FMN2: variants seen among roughly 807,000 people sequenced by gnomAD.
The protein encoded by FMN2 is formin 2.
In FMN2, 51 loss-of-function variants were observed where a neutral mutation model predicts 142.3. That is an observed-to-expected ratio of 0.36 (90% CI 0.29 to 0.45). FMN2 has a LOEUF of 0.45. Ranked by LOEUF, FMN2 falls within the 20% of genes least tolerant of loss-of-function variation. The pLI is 1.00. For missense variants in FMN2, 1,936 were observed against 2,122.8 expected, an observed-to-expected ratio of 0.91 and a Z score of 1.73; for synonymous variants, 882 against 869.8, an observed-to-expected ratio of 1.01 and a Z score of -0.25.
chr1:240,170,879 C>T (rs544160177), intron 2 of FMN2: 2 of 800,818 alleles, frequency 2.5e-6, no homozygotes, highest in South Asian at 2.7e-5. Flanking sequence ...GAGTTTGGAG[C>T]CACTGAATGT....
chr1:240,131,320 G>GT (rs1226061900), intron 2 of FMN2, among the ~76,000 whole-genome samples: 2 of 152,168 alleles, frequency 1.3e-5, no homozygotes, highest in African/African-American at 4.8e-5. Context: ...AAAGGGGAAG[G>GT]TTTTTAACTG....
chr1:240,226,347 A>G (rs1667298078), intron 6 of FMN2, among the ~76,000 whole-genome samples: 1 of 152,224 alleles, frequency 6.6e-6, no homozygotes, highest in Non-Finnish European at 1.5e-5. Context: ...CAGCAGACTT[A>G]TCAGAATTAA....
chr1:240,244,698 A>G (rs1324385233), intron 6 of FMN2, among the ~76,000 whole-genome samples: 1 of 152,228 alleles, frequency 6.6e-6, no homozygotes, highest in East Asian at 1.9e-4. Flanking sequence ...CCAAATCTGC[A>G]CCAGCATCAG....
chr1:240,279,018 A>G (rs996108363), intron 7 of FMN2, among the ~76,000 whole-genome samples: 1 of 152,174 alleles, frequency 6.6e-6, no homozygotes, highest in South Asian at 2.1e-4. Context: ...CTGAGCTCGA[A>G]CTGTAATTTT....
At chr1:240,349,788 A>T (rs1226896351) in intron 13 of FMN2, among the ~76,000 whole-genome samples, 2 of 152,370 alleles carry the variant, frequency 1.3e-5, no homozygotes, top group East Asian at 3.9e-4. Context: ...ATTAAACAAA[A>T]GTTGAGATGA....
chr1:240,334,022 T>C (rs1268952038), intron 12 of FMN2, 76 bp downstream of exon 12: 1 of 1,574,760 alleles, frequency 6.4e-7, no homozygotes, highest in Non-Finnish European at 8.6e-7. Context: ...TTTTTGTTGT[T>C]GTTTTTGTTT....
chr1:240,286,952 TTC>T (rs1669611233), intron 7 of FMN2, among the ~76,000 whole-genome samples: 2 of 152,176 alleles, frequency 1.3e-5, no homozygotes, highest in Non-Finnish European at 2.9e-5. Context: ...CGATGTGTCT[TTC>T]TACTTCACTA....
intron 7 of FMN2, among the ~76,000 whole-genome samples, chr1:240,281,088 T>C (rs1184969293): frequency 1.3e-5 from 2 of 152,152 alleles, no homozygotes; most frequent in African/African-American, 4.8e-5. Context: ...ACAGCTCTTA[T>C]AAACAAGGCC....
intron 4 of FMN2, among the ~76,000 whole-genome samples, chr1:240,195,567 CATTG>C (rs1447158445): frequency 3.1e-4 from 47 of 152,298 alleles, no homozygotes; most frequent in African/African-American, 1.1e-3. Context: ...AAAGGTAATG[CATTG>C]ATTGGTTGAC....
chr1:240,295,905 T>C (rs10926201), intron 8 of FMN2, among the ~76,000 whole-genome samples: 31,603 of 152,136 alleles, frequency 0.21, 3,534 homozygotes, highest in Admixed American at 0.33. Flanking sequence ...TCCCTTTTCT[T>C]CGCATCTTCA....
intron 16 of FMN2, among the ~76,000 whole-genome samples, chr1:240,464,472 A>T (rs1019754024): frequency 1.9e-4 from 29 of 152,220 alleles, no homozygotes; most frequent in African/African-American, 7.0e-4. Context: ...GGAAACACAG[A>T]TACACAGAAT....
chr1:240,217,331 A>G (rs928107272), intron 6 of FMN2, among the ~76,000 whole-genome samples: 2 of 152,218 alleles, frequency 1.3e-5, no homozygotes, highest in Admixed American at 1.3e-4. Context: ...TATAGAAGAC[A>G]TGTTTTGTAT....
intron 16 of FMN2, among the ~76,000 whole-genome samples, chr1:240,449,685 A>G (rs1675938170): frequency 6.6e-6 from 1 of 152,210 alleles, no homozygotes; most frequent in South Asian, 2.1e-4. Flanking sequence ...TTGTGTGAAA[A>G]GCTATTGTAT....
chr1:240,437,535 C>T (rs1338870572), intron 15 of FMN2, among the ~76,000 whole-genome samples: 2 of 152,158 alleles, frequency 1.3e-5, no homozygotes, highest in East Asian at 3.9e-4. Context: ...ATCTCCTGAC[C>T]TCGTGATCCA....
intron 2 of FMN2, chr1:240,170,353 C>G: frequency 1.7e-6 from 2 of 1,159,664 alleles, no homozygotes; most frequent in Non-Finnish European, 2.6e-6. Context: ...GGGTTGTTTT[C>G]CAGTGATCTT....
chr1:240,399,915 C>T (rs1040350572), intron 15 of FMN2, among the ~76,000 whole-genome samples: 1 of 152,178 alleles, frequency 6.6e-6, no homozygotes, highest in Non-Finnish European at 1.5e-5. Context: ...TAGCTTTAAC[C>T]ATTGTGCAGG....
At chr1:240,206,666 A>G (rs1213835160) in intron 4 of FMN2, 133 bp from the exon 5 acceptor site, 5 of 1,121,574 alleles carry the variant, frequency 4.5e-6, no homozygotes, top group Non-Finnish European at 5.0e-6. Flanking sequence ...ACATAGAAAT[A>G]TTAATACCAT....
chr1:240,189,968 A>G (rs1040804598), intron 4 of FMN2, among the ~76,000 whole-genome samples: 1 of 152,164 alleles, frequency 6.6e-6, no homozygotes, highest in Admixed American at 6.6e-5. Context: ...ACGTATATGA[A>G]TCAATTGTTA....
chr1:240,314,829 G>A (rs1353836550), intron 8 of FMN2, among the ~76,000 whole-genome samples: 2 of 152,132 alleles, frequency 1.3e-5, no homozygotes, highest in East Asian at 3.9e-4. Context: ...GCCTCTACCA[G>A]CCATTGTTTT....
Sources: allele counts gnomAD v4.1 joint callset (sites outside exome capture counted in the v4.1 genomes callset), GRCh38; gene constraint gnomAD v4.1.1; transcripts MANE v1.5; gene names NCBI Gene and HGNC (gene_info 2026-07-23, HGNC 2026-07-21).